The following CFAP54 variants were observed in gnomAD, a reference collection of about 807,000 sequenced individuals.
The protein encoded by CFAP54 is cilia and flagella associated protein 54.
A neutral mutation model predicts 370.4 loss-of-function variants in CFAP54; 290 were observed. The ratio of observed to expected loss-of-function variants is 0.78; its 90% confidence interval spans 0.71 to 0.86. The LOEUF (loss-of-function observed/expected upper bound fraction) is 0.86, where lower values mean the gene tolerates loss of function less well. Among genes scored for constraint, CFAP54 ranks in the 40% least tolerant of loss-of-function variants. CFAP54 has a pLI of 0.00. For synonymous variants in CFAP54, 1,206 were observed against 1,236.5 expected (o/e 0.98, Z 0.52); for missense variants, 3,399 against 3,528.7 (o/e 0.96, Z 0.93).
chr12:96,584,270 C>T (rs1295201617), intron 22 of CFAP54, among the ~76,000 whole-genome samples: 1 of 151,868 alleles, frequency 6.6e-6, no homozygotes, highest in Non-Finnish European at 1.5e-5. Flanking sequence ...TCAAGACCAG[C>T]CTGGGCAACA....
rs946951928 is a variant in CFAP54, at chr12:96,792,325, C to T, written c.8680-4C>T. The stretch of plus-strand genomic sequence containing the variant: ...TTAAACTGATGTTTTTGTTTGTTCC[C>T]TAGTTGTATCGCGATAGTTCTGTAC... On this transcript the variant is annotated splice_polypyrimidine_tract_variant and splice_region_variant and intron_variant, in intron 62 of 67. Coordinates refer to ENST00000524981, the MANE Select transcript of CFAP54 (RefSeq NM_001306084.2). 16 of 1,495,360 alleles carry T rather than the reference C, an allele frequency of 1.1e-5. No homozygotes were observed. The highest frequency in any genetic ancestry group is 1.4e-5 in the Non-Finnish European group (16 of 1,127,386). 92.6% of individuals were successfully genotyped at this position (1,495,360 alleles called of 1,614,324 possible).
At chr12:96,624,652 T>C (rs1237945496) in intron 28 of CFAP54, among the ~76,000 whole-genome samples, 1 of 152,220 alleles carries the variant, frequency 6.6e-6, no homozygotes, top group African/African-American at 2.4e-5. Context: ...GTATCCAAAT[T>C]TGAGCCTTAA....
intron 4 of CFAP54, 69 bp downstream of exon 4, chr12:96,507,168 T>C: frequency 1.0e-5 from 12 of 1,190,190 alleles, no homozygotes; most frequent in Non-Finnish European, 1.3e-5. Context: ...AGTTTGACAG[T>C]AGCTTGAGTA....
rs1592906229 is a variant in CFAP54, at chr12:96,647,942, T to C, written c.4615T>C (p.Leu1539=). The C allele has an allele frequency of 1.3e-6, 2 of 1,522,894 alleles. No homozygotes were observed. Among genetic ancestry groups the C allele is most frequent in the African/African-American group, 1.4e-5 (1 of 72,418 alleles). 94.3% of individuals were successfully genotyped at this position (1,522,894 alleles called of 1,614,324 possible). The change falls in exon 34 of 68, where the codon TTG becomes CTG. Residue 1539 remains leucine (L), a synonymous_variant. Transcript: ENST00000524981. ...NSGTVLPTRK[L]TVENYKAMLD... is the part of the protein sequence containing the mutation. ...AGGAACAGTATTACCAACAAGAAAA[T>C]TGACTGTAGAAAATTATAAAGCAAT...
intron 15 of CFAP54, among the ~76,000 whole-genome samples, chr12:96,549,312 C>T (rs1955671416): frequency 6.6e-6 from 1 of 152,154 alleles, no homozygotes; most frequent in Non-Finnish European, 1.5e-5. Flanking sequence ...CAATTAAAAC[C>T]ACTATATGAA....
rs917399520 is a variant in CFAP54, at chr12:96,862,320, A to C, written c.*14+1368A>C. On this transcript the variant is annotated intron_variant, in intron 67 of 67. Coordinates refer to ENST00000524981, the MANE Select transcript of CFAP54 (RefSeq NM_001306084.2). ...AGGAGAACAGAGGCATAAAAACAAA[A>C]ATACATATGGTTTATAGTCAAAGGA... is the stretch of plus-strand genomic sequence containing the variant. Among the ~76,000 whole-genome samples, 7 of 152,312 alleles carry C rather than the reference A, an allele frequency of 4.6e-5. No individual in the cohort carries two copies. In the East Asian group the frequency reaches 1.3e-3, roughly 29 times the overall value.
chr12:96,535,325 C>T (rs1365193514), intron 11 of CFAP54, among the ~76,000 whole-genome samples, 190 bp from the exon 12 acceptor site: 14 of 152,186 alleles, frequency 9.2e-5, no homozygotes, highest in Admixed American at 8.5e-4. Context: ...GCTGGGATGA[C>T]AGGCATAAGC....
At chr12:96,731,331 G>A (rs900213869) in intron 50 of CFAP54, among the ~76,000 whole-genome samples, 1 of 152,180 alleles carries the variant, frequency 6.6e-6, no homozygotes, top group Non-Finnish European at 1.5e-5. Context: ...AATATGCCTA[G>A]GTATGTCTGC....
intron 26 of CFAP54, among the ~76,000 whole-genome samples, chr12:96,616,256 C>G (rs1049264910): frequency 4.0e-5 from 6 of 151,778 alleles, no homozygotes; most frequent in Non-Finnish European, 7.4e-5. Flanking sequence ...GCAAACTATC[C>G]CAAAGACAAA....
chr12:96,759,220 T>A (rs973316180), intron 58 of CFAP54, among the ~76,000 whole-genome samples: 2 of 151,914 alleles, frequency 1.3e-5, no homozygotes, highest in African/African-American at 4.8e-5. Context: ...CCTCTTTTTT[T>A]AATCAAAATA....
At chr12:96,743,612 A>G (rs989870133) in intron 53 of CFAP54, 53 bp downstream of exon 53, 2 of 1,605,880 alleles carry the variant, frequency 1.2e-6, no homozygotes, top group Admixed American at 3.4e-5. Context: ...TCCAGTTAGA[A>G]CAAAAGGAGA....
chr12:96,638,143 A>C (rs1170816292), intron 32 of CFAP54, among the ~76,000 whole-genome samples: 2 of 151,990 alleles, frequency 1.3e-5, no homozygotes, highest in Non-Finnish European at 2.9e-5. Flanking sequence ...AATCCAGAAA[A>C]CATAAACATT....
intron 39 of CFAP54, among the ~76,000 whole-genome samples, chr12:96,667,355 T>C (rs1194930285): frequency 2.6e-5 from 4 of 152,092 alleles, no homozygotes; most frequent in African/African-American, 4.8e-5. Flanking sequence ...CTGACAGAGG[T>C]TCTCCATGAG....
rs377298636 is a variant in CFAP54, at chr12:96,554,709, C to G, written c.2317C>G (p.Pro773Ala). ...CCATATAGATGGAGATACTTACAAA[C>G]CACTTGCCTCAAATAGTTTCATGAT... ...THHIDGDTYK[P>A]LASNSFMMDL... The change falls in exon 17 of 68, where the codon CCA (proline) becomes GCA (alanine). Residue 773 changes from proline (P) to alanine (A), a missense_variant. Coordinates refer to ENST00000524981, the MANE Select transcript of CFAP54 (RefSeq NM_001306084.2). 1 of 1,534,350 alleles carries G rather than the reference C, an allele frequency of 6.5e-7. No homozygotes were observed. The highest frequency in any genetic ancestry group is 1.2e-5 in the South Asian group (1 of 83,768).
chr12:96,767,805 G>A (rs1958415327), intron 60 of CFAP54, among the ~76,000 whole-genome samples: 1 of 151,890 alleles, frequency 6.6e-6, no homozygotes, highest in Admixed American at 6.6e-5. Context: ...TTAGCATCCA[G>A]CAAAAAACCT....
At chr12:96,711,771 G>A (rs1226409743) in intron 48 of CFAP54, among the ~76,000 whole-genome samples, 1 of 152,182 alleles carries the variant, frequency 6.6e-6, no homozygotes, top group Non-Finnish European at 1.5e-5. Flanking sequence ...GGTTCATAGA[G>A]CTCTTCACAT....
intron 9 of CFAP54, among the ~76,000 whole-genome samples, chr12:96,531,257 C>CT (rs1565886548): frequency 2.0e-5 from 3 of 151,986 alleles, no homozygotes; most frequent in Non-Finnish European, 4.4e-5. Context: ...TTTTGATGCT[C>CT]TTTTTTATAA....
intron 1 of CFAP54, among the ~76,000 whole-genome samples, chr12:96,495,255 TC>T (rs1954937386): frequency 1.2e-4 from 6 of 51,730 alleles, no homozygotes; most frequent in African/African-American, 3.4e-4. Flanking sequence ...CTTCCTTCCT[TC>T]CTTCCTTCCT....
chr12:96,688,031 C>T (rs977543335), intron 42 of CFAP54, among the ~76,000 whole-genome samples: 2 of 152,054 alleles, frequency 1.3e-5, no homozygotes, highest in African/African-American at 4.8e-5. Flanking sequence ...AACTCTTCTC[C>T]CCGCCCTGTA....
Sources: gnomAD v4.1 joint callset for allele counts (sites outside exome capture counted in the v4.1 genomes callset) on GRCh38, gnomAD v4.1.1 for gene constraint, MANE v1.5 for transcripts, NCBI Gene and HGNC (gene_info 2026-07-23, HGNC 2026-07-21) for gene names.